Variants in BMPR1B observed in about 807,000 individuals in gnomAD.
BMPR1B encodes bone morphogenetic protein receptor type 1B.
Under a neutral mutation model 59.1 loss-of-function variants are expected in BMPR1B, and 12 were observed. The observed-to-expected ratio is 0.20, with a 90% confidence interval of 0.13 to 0.33. The LOEUF (loss-of-function observed/expected upper bound fraction) is 0.33. BMPR1B is among the 10% of genes least tolerant of loss of function. The pLI is 1.00. For missense variants in BMPR1B, 550 were observed against 610.9 expected (o/e 0.90, Z 1.05); for synonymous variants, 237 against 207.3 (o/e 1.14, Z -1.23).
intron 3 of BMPR1B, among the ~76,000 whole-genome samples, chr4:95,083,328 A>C (rs538987725): frequency 6.6e-6 from 1 of 152,164 alleles, no homozygotes; most frequent in South Asian, 2.1e-4. Flanking sequence ...ACAAAAACAG[A>C]TTATAAAGAC....
At chr4:95,129,456 G>A (rs775326919) in intron 8 of BMPR1B, among the ~76,000 whole-genome samples, 2 of 151,290 alleles carry the variant, frequency 1.3e-5, no homozygotes, top group Non-Finnish European at 2.9e-5. Context: ...GCCTAACAAT[G>A]CATTACAATT....
At chr4:94,930,451 T>C (rs1298741067) in intron 2 of BMPR1B, among the ~76,000 whole-genome samples, 2 of 152,122 alleles carry the variant, frequency 1.3e-5, no homozygotes, top group African/African-American at 4.8e-5. Context: ...TCTAAGACAC[T>C]GTATTGCAAT....
At chr4:94,770,509 A>C (rs1722147302) in intron 1 of BMPR1B, among the ~76,000 whole-genome samples, 1 of 151,934 alleles carries the variant, frequency 6.6e-6, no homozygotes, top group African/African-American at 2.4e-5. Flanking sequence ...TTTTCCCCCT[A>C]GTAAATCTCA....
chr4:95,069,140 C>T (rs1728081622), intron 3 of BMPR1B, among the ~76,000 whole-genome samples: 1 of 152,158 alleles, frequency 6.6e-6, no homozygotes, highest in Admixed American at 6.5e-5. Context: ...TAAGTGAGGA[C>T]TTATTATATA....
intron 2 of BMPR1B, among the ~76,000 whole-genome samples, chr4:94,935,393 A>G (rs1729253039): frequency 6.6e-6 from 1 of 152,176 alleles, no homozygotes; most frequent in Non-Finnish European, 1.5e-5. Flanking sequence ...TAGACCACCA[A>G]ATATGTGTTG....
At chr4:95,003,238 A>C (rs1722579552) in intron 3 of BMPR1B, among the ~76,000 whole-genome samples, 1 of 152,208 alleles carries the variant, frequency 6.6e-6, no homozygotes, top group Admixed American at 6.6e-5. Flanking sequence ...AACTGTTAAT[A>C]CTATAGTCCA....
intron 1 of BMPR1B, among the ~76,000 whole-genome samples, chr4:94,861,730 G>A (rs991640428): frequency 2.0e-5 from 3 of 152,078 alleles, no homozygotes; most frequent in Non-Finnish European, 4.4e-5. Flanking sequence ...ATAAACACAT[G>A]GTGATTTTAA....
At chr4:94,876,338 C>T (rs1442718935) in intron 2 of BMPR1B, among the ~76,000 whole-genome samples, 1 of 152,146 alleles carries the variant, frequency 6.6e-6, no homozygotes, top group Non-Finnish European at 1.5e-5. Flanking sequence ...TAGTTGGTGT[C>T]ACTCATTTTA....
intron 3 of BMPR1B, among the ~76,000 whole-genome samples, chr4:95,090,760 C>G (rs6822629): frequency 0.67 from 102,158 of 151,816 alleles, 34,515 homozygotes; most frequent in South Asian, 0.73. Context: ...GAGGCTTTAA[C>G]TTGACTCTAA....
chr4:95,052,178 T>C (rs1726554811), intron 3 of BMPR1B, among the ~76,000 whole-genome samples: 1 of 152,204 alleles, frequency 6.6e-6, no homozygotes, highest in African/African-American at 2.4e-5. Flanking sequence ...TCTTTGAAGT[T>C]CATCATCATT....
chr4:94,929,341 C>G (rs28433320), intron 2 of BMPR1B, among the ~76,000 whole-genome samples: 35,464 of 152,020 alleles, frequency 0.23, 4,254 homozygotes, highest in South Asian at 0.32. Flanking sequence ...GCTAGAACCA[C>G]TCTCTGTATG....
intron 1 of BMPR1B, among the ~76,000 whole-genome samples, chr4:94,813,878 G>A (rs374075969): frequency 1.3e-5 from 2 of 152,096 alleles, no homozygotes; most frequent in Admixed American, 1.3e-4. Context: ...AGGATTTTTG[G>A]TCTGTACAAC....
chr4:95,087,654 C>G (rs565209840), intron 3 of BMPR1B, among the ~76,000 whole-genome samples: 2 of 152,216 alleles, frequency 1.3e-5, no homozygotes, highest in African/African-American at 4.8e-5. Context: ...ATCACTTAAG[C>G]ACGGGAGATT....
chr4:94,831,856 G>A (rs192701562), intron 1 of BMPR1B, among the ~76,000 whole-genome samples: 4 of 152,196 alleles, frequency 2.6e-5, no homozygotes, highest in East Asian at 3.9e-4. Flanking sequence ...GATTCTCATA[G>A]GATTGCGAAC....
rs141547062 is a variant in BMPR1B, at chr4:95,147,852, C to G, written c.1077-896C>G. On this transcript the variant is annotated intron_variant, in intron 10 of 12. Transcript: ENST00000515059. ...ATCATCAGCCTAGTCATTCAGCACC[C>G]TTAGAACAGGGGCTGGAACTGTGGC... Among the ~76,000 whole-genome samples the G allele has an allele frequency of 1.9e-3, 295 of 152,234 alleles. 3 individuals carry two copies. The highest frequency in any genetic ancestry group is 6.9e-3 in the African/African-American group (287 of 41,560).
At chr4:94,972,962 G>A (rs1208054393) in intron 2 of BMPR1B, among the ~76,000 whole-genome samples, 1 of 152,002 alleles carries the variant, frequency 6.6e-6, no homozygotes, top group Non-Finnish European at 1.5e-5. Context: ...CAGAGCGAGT[G>A]CTTTTGGGTG....
intron 7 of BMPR1B, among the ~76,000 whole-genome samples, chr4:95,124,569 C>A (rs1364219867): frequency 6.6e-6 from 1 of 151,558 alleles, no homozygotes; most frequent in Admixed American, 6.6e-5. Context: ...TAGATATGAC[C>A]TTATATAAGA....
At chr4:95,041,758 G>A (rs1437509778) in intron 3 of BMPR1B, among the ~76,000 whole-genome samples, 2 of 152,060 alleles carry the variant, frequency 1.3e-5, no homozygotes, top group Non-Finnish European at 2.9e-5. Flanking sequence ...TATCTAAATT[G>A]GGAATGATAT....
At chr4:95,070,625 TAGTG>T in intron 3 of BMPR1B, among the ~76,000 whole-genome samples, 1 of 152,132 alleles carries the variant, frequency 6.6e-6, no homozygotes, top group Non-Finnish European at 1.5e-5. Context: ...AACTAGTGCC[TAGTG>T]AGGAAGTTTT....
Sources: allele counts gnomAD v4.1 joint callset (sites outside exome capture counted in the v4.1 genomes callset), GRCh38; gene constraint gnomAD v4.1.1; transcripts MANE v1.5; gene names NCBI Gene and HGNC (gene_info 2026-07-23, HGNC 2026-07-21).